CNTNAP2: variants seen among roughly 807,000 people sequenced by gnomAD.
CNTNAP2 encodes the protein contactin associated protein 2.
A neutral mutation model predicts 155.2 loss-of-function variants in CNTNAP2; 98 were observed. The ratio of observed to expected loss-of-function variants is 0.63; its 90% CI spans 0.54 to 0.75. CNTNAP2 has a LOEUF of 0.75. Ranked by LOEUF, CNTNAP2 falls within the 30% of genes least tolerant of loss-of-function variation. The pLI is 0.00. For missense variants in CNTNAP2, 1,727 were observed against 1,688.1 expected, an observed-to-expected ratio of 1.02 and a Z score of -0.40; for synonymous variants, 651 against 631.2, an observed-to-expected ratio of 1.03 and a Z score of -0.47.
chr7:146,488,882 A>T (rs1797098169), intron 1 of CNTNAP2, among the ~76,000 whole-genome samples: 1 of 152,102 alleles, frequency 6.6e-6, no homozygotes. Flanking sequence ...GGCCTACCAA[A>T]CTGTTGGGAT....
chr7:147,555,436 T>C (rs1799934011), intron 11 of CNTNAP2, among the ~76,000 whole-genome samples: 1 of 152,188 alleles, frequency 6.6e-6, no homozygotes, highest in Non-Finnish European at 1.5e-5. Flanking sequence ...AAGTATATAG[T>C]AAGCATGTGA....
At chr7:147,028,028 G>T (rs1462327552) in intron 3 of CNTNAP2, among the ~76,000 whole-genome samples, 2 of 152,162 alleles carry the variant, frequency 1.3e-5, no homozygotes, top group African/African-American at 4.8e-5. Context: ...TGGAGATGTG[G>T]ATATGGGAAT....
intron 1 of CNTNAP2, among the ~76,000 whole-genome samples, chr7:146,155,230 C>G (rs1052329685): frequency 3.3e-5 from 5 of 152,132 alleles, no homozygotes; most frequent in Non-Finnish European, 5.9e-5. Flanking sequence ...TTCCTTCGAA[C>G]TGGGAAAAGG....
At chr7:146,638,481 T>C (rs957083668) in intron 1 of CNTNAP2, among the ~76,000 whole-genome samples, 7 of 90,000 alleles carry the variant, frequency 7.8e-5, no homozygotes, top group African/African-American at 2.7e-4. Context: ...TGTTTCTTTT[T>C]TTTTTTTTTT....
chr7:147,862,454 T>G (rs1313118261), intron 13 of CNTNAP2, among the ~76,000 whole-genome samples: 1 of 152,162 alleles, frequency 6.6e-6, no homozygotes, highest in Non-Finnish European at 1.5e-5. Flanking sequence ...TACAATTTGT[T>G]ATAATGTCCT....
chr7:148,052,154 A>C (rs1419726314), intron 15 of CNTNAP2, among the ~76,000 whole-genome samples: 2 of 151,808 alleles, frequency 1.3e-5, no homozygotes, highest in African/African-American at 4.8e-5. Flanking sequence ...AAAAAAAAAA[A>C]AAAAAGCCCT....
intron 13 of CNTNAP2, among the ~76,000 whole-genome samples, chr7:147,733,697 A>C (rs1796786522): frequency 6.6e-6 from 1 of 152,120 alleles, no homozygotes; most frequent in South Asian, 2.1e-4. Flanking sequence ...TATTTCATTG[A>C]ACAATGGTTT....
rs77893193 is a variant in CNTNAP2, at chr7:148,003,601, G to A, written c.2383+25612G>A. On this transcript the variant is annotated intron_variant, in intron 15 of 23. Transcript: ENST00000361727. ...ACTGGGGAAAAAGACAAATTGAAAAGACATTCTATCTTTCCCTAGGATTGT... is the reference window on the plus strand; with the variant it reads ...ACTGGGGAAAAAGACAAATTGAAAAAACATTCTATCTTTCCCTAGGATTGT... Among the ~76,000 whole-genome samples the A allele has an allele frequency of 3.8e-3, 577 of 152,214 alleles. 2 individuals carry two copies. The highest frequency in any genetic ancestry group is 7.1e-3 in the Non-Finnish European group (485 of 68,008).
chr7:146,215,822 T>C (rs956996283), intron 1 of CNTNAP2, among the ~76,000 whole-genome samples: 2 of 152,186 alleles, frequency 1.3e-5, no homozygotes, highest in African/African-American at 4.8e-5. Flanking sequence ...GTGTGAGCTG[T>C]TCTCTGCCGT....
intron 1 of CNTNAP2, among the ~76,000 whole-genome samples, chr7:146,321,688 C>A (rs1287361997): frequency 6.6e-6 from 1 of 152,084 alleles, no homozygotes; most frequent in East Asian, 1.9e-4. Context: ...TCAGGACATA[C>A]CATGGGGCAA....
intron 1 of CNTNAP2, among the ~76,000 whole-genome samples, chr7:146,672,117 A>C (rs1468409859): frequency 6.6e-6 from 1 of 152,086 alleles, no homozygotes. Context: ...CCCGGCTAGT[A>C]GTATTCTCAT....
chr7:148,393,647 A>G (rs6976711), intron 22 of CNTNAP2, among the ~76,000 whole-genome samples: 56,187 of 152,002 alleles, frequency 0.37, 10,883 homozygotes, highest in African/African-American at 0.44. Flanking sequence ...TTTTGATACT[A>G]CTACAAACCA....
chr7:146,510,970 C>T (rs1163487387), intron 1 of CNTNAP2, among the ~76,000 whole-genome samples: 1 of 152,146 alleles, frequency 6.6e-6, no homozygotes, highest in East Asian at 1.9e-4. Context: ...GATCTCGGCT[C>T]ACTGCAAGCT....
rs1014865286 is a variant in CNTNAP2, at chr7:146,309,526, G to T, written c.97+192553G>T. On this transcript the variant is annotated intron_variant, in intron 1 of 23. Transcript: ENST00000361727. ...TGTTAAGAAAGGAGAAATAGGTGGG[G>T]CGCGGTGGCTCATGCATGTAATCCC... Among the ~76,000 whole-genome samples, 39 of 152,146 alleles carry T rather than the reference G, an allele frequency of 2.6e-4. 1 individual carries two copies. Among genetic ancestry groups the T allele is most frequent in the Admixed American group, 1.3e-4 (2 of 15,278 alleles).
chr7:146,201,073 A>T (rs2116867082), intron 1 of CNTNAP2, among the ~76,000 whole-genome samples: 1 of 152,320 alleles, frequency 6.6e-6, no homozygotes, highest in South Asian at 2.1e-4. Flanking sequence ...GTATTTCTGC[A>T]AAATGAGATT....
chr7:148,032,761 C>A (rs558973381), intron 15 of CNTNAP2, among the ~76,000 whole-genome samples: 1 of 152,176 alleles, frequency 6.6e-6, no homozygotes, highest in African/African-American at 2.4e-5. Flanking sequence ...CACCTGCTGA[C>A]GCGAAGGCTG....
chr7:146,994,910 T>C (rs556519932), intron 3 of CNTNAP2, among the ~76,000 whole-genome samples: 1 of 152,216 alleles, frequency 6.6e-6, no homozygotes, highest in East Asian at 1.9e-4. Flanking sequence ...TTATTATCTA[T>C]GGTTGCCATA....
chr7:146,381,655 C>T (rs1795391053), intron 1 of CNTNAP2, among the ~76,000 whole-genome samples: 1 of 152,112 alleles, frequency 6.6e-6, no homozygotes. Context: ...TGAGGACAAG[C>T]TCTTTGTAAA....
intron 14 of CNTNAP2, among the ~76,000 whole-genome samples, chr7:147,912,006 A>G (rs1563132700): frequency 6.6e-6 from 1 of 152,198 alleles, no homozygotes; most frequent in Non-Finnish European, 1.5e-5. Context: ...TTTTATATTA[A>G]AAGTATTCAT....
Sources: allele counts gnomAD v4.1 joint callset (sites outside exome capture counted in the v4.1 genomes callset), GRCh38; gene constraint gnomAD v4.1.1; transcripts MANE v1.5; gene names NCBI Gene and HGNC (gene_info 2026-07-23, HGNC 2026-07-21).